The following PLCB1 variants were observed in gnomAD, a reference collection of about 807,000 sequenced individuals.
PLCB1 encodes the protein phospholipase C beta 1.
A neutral mutation model predicts 161.8 loss-of-function variants in PLCB1; 46 were observed. That is an observed-to-expected ratio of 0.28 (90% CI 0.22 to 0.36). PLCB1 has a LOEUF of 0.36. Among genes scored for constraint, PLCB1 ranks in the 10% least tolerant of loss-of-function variants. The pLI is 1.00. For synonymous variants in PLCB1, 517 were observed against 503.7 expected (o/e 1.03, Z -0.35); for missense variants, 1,016 against 1,472.5 (o/e 0.69, Z 5.07).
At chr20:8,601,186 A>C (rs188758360) in intron 3 of PLCB1, among the ~76,000 whole-genome samples, 10 of 152,252 alleles carry the variant, frequency 6.6e-5, no homozygotes, top group East Asian at 3.9e-4. Flanking sequence ...AATAACCTAA[A>C]CATGCCAAAG....
At chr20:8,559,829 G>A (rs879213647) in intron 3 of PLCB1, among the ~76,000 whole-genome samples, 10 of 151,888 alleles carry the variant, frequency 6.6e-5, no homozygotes, top group South Asian at 2.1e-4. Flanking sequence ...AGCCTAGGTC[G>A]GTCTTGTACT....
rs1203124375 is a variant in PLCB1, at chr20:8,677,625, A to G, written c.863-7307A>G. 2.6e-5 allele frequency among the ~76,000 whole-genome samples: 4 copies of G among 152,308 alleles called. No homozygotes were observed. In the East Asian group the frequency reaches 7.8e-4, roughly 30 times the overall value. On this transcript the variant is annotated intron_variant, in intron 9 of 31. Transcript: ENST00000338037. ...AAGTGCTAGAAATTGCCAGAGGGAC[A>G]AAAACCAAAACAAAACAGGCCACAC...
intron 3 of PLCB1, among the ~76,000 whole-genome samples, chr20:8,416,250 T>G (rs940406196): frequency 4.6e-5 from 7 of 152,206 alleles, no homozygotes; most frequent in African/African-American, 1.4e-4. Context: ...TTCTGATCTT[T>G]GTATGCATTT....
At chr20:8,190,925 A>G (rs6055624) in intron 2 of PLCB1, among the ~76,000 whole-genome samples, 40,412 of 151,978 alleles carry the variant, frequency 0.27, 6,346 homozygotes, top group African/African-American at 0.44. Context: ...CAGCCAGTAC[A>G]TAGTAAGCTA....
At chr20:8,139,886 ATTC>A (rs1464007309) in intron 1 of PLCB1, among the ~76,000 whole-genome samples, 2 of 152,190 alleles carry the variant, frequency 1.3e-5, no homozygotes, top group Non-Finnish European at 2.9e-5. Flanking sequence ...TTTGACGAAC[ATTC>A]TTCTTGAAAA....
At chr20:8,451,912 A>C (rs143137646) in intron 3 of PLCB1, among the ~76,000 whole-genome samples, 335 of 133,388 alleles carry the variant, frequency 2.5e-3, no homozygotes, top group African/African-American at 9.1e-3. Flanking sequence ...TTCCTTCTTT[A>C]TTTCACTCAT....
intron 2 of PLCB1, among the ~76,000 whole-genome samples, chr20:8,360,180 C>T (rs965498384): frequency 2.6e-5 from 4 of 152,242 alleles, no homozygotes; most frequent in East Asian, 1.9e-4. Context: ...CAGACATGAA[C>T]TATCAGCTCT....
chr20:8,438,535 C>T (rs78392941), intron 3 of PLCB1, among the ~76,000 whole-genome samples: 23,443 of 152,086 alleles, frequency 0.15, 2,303 homozygotes, highest in African/African-American at 0.28. Context: ...GAAACATATA[C>T]CATCTCTAAC....
At position 8,551,731 on chromosome 20, in the gene PLCB1, G is replaced by T. The variant is rs983297906; in HGVS notation, c.247-76563G>T. On this transcript the variant is annotated intron_variant, in intron 3 of 31. Transcript: ENST00000338037. ...GTCCTGGTTCCCACAGTGGTAGCTT[G>T]CTCAACAGTGCAGCCCTTATTGGCT... Among the ~76,000 whole-genome samples the T allele has an allele frequency of 2.0e-5, 3 of 152,238 alleles. No homozygotes were observed. The South Asian group carries it at 6.2e-4, about 32-fold the overall frequency.
At chr20:8,749,852 T>C (rs778826268) in intron 23 of PLCB1, among the ~76,000 whole-genome samples, 16 of 152,180 alleles carry the variant, frequency 1.1e-4, no homozygotes, top group Non-Finnish European at 2.2e-4. Flanking sequence ...TATTTTAGCA[T>C]AACATTTAGG....
chr20:8,568,854 C>T (rs528872682), intron 3 of PLCB1, among the ~76,000 whole-genome samples: 3 of 152,070 alleles, frequency 2.0e-5, no homozygotes, highest in Non-Finnish European at 4.4e-5. Context: ...AGCACCAGTA[C>T]AGCGGGGAGA....
At chr20:8,698,483 TATTA>T (rs1338183817) in intron 11 of PLCB1, among the ~76,000 whole-genome samples, 2 of 152,222 alleles carry the variant, frequency 1.3e-5, no homozygotes, top group Admixed American at 6.5e-5. Context: ...ATGATGATAG[TATTA>T]ATTATTACTG....
chr20:8,244,093 T>C lies in PLCB1; in HGVS notation c.177+93722T>C, dbSNP rs145858673. ...TACATGTCCACTGGAATGGCAAAAATTGAATGACTGGCAGTACCACATTTG... is the reference window on the plus strand; with the variant it reads ...TACATGTCCACTGGAATGGCAAAAACTGAATGACTGGCAGTACCACATTTG... On this transcript the variant is annotated intron_variant, in intron 2 of 31. Coordinates refer to ENST00000338037, the MANE Select transcript of PLCB1 (RefSeq NM_015192.4). Among the ~76,000 whole-genome samples, 154 of 152,050 alleles carry C rather than the reference T, an allele frequency of 1.0e-3. No homozygotes were observed. In the Middle Eastern group the frequency reaches 0.01, roughly 10 times the overall value.
At chr20:8,386,953 G>A (rs1987441888) in intron 3 of PLCB1, among the ~76,000 whole-genome samples, 1 of 152,188 alleles carries the variant, frequency 6.6e-6, no homozygotes, top group Admixed American at 6.5e-5. Flanking sequence ...GCCTCTCTCA[G>A]TTGTCACAGG....
intron 3 of PLCB1, among the ~76,000 whole-genome samples, chr20:8,499,110 T>C (rs924396508): frequency 5.3e-5 from 8 of 152,246 alleles, no homozygotes; most frequent in Non-Finnish European, 1.2e-4. Context: ...TCTATTCTCA[T>C]GCCAAGATGT....
intron 2 of PLCB1, among the ~76,000 whole-genome samples, chr20:8,193,918 T>G (rs2051996750): frequency 6.6e-6 from 1 of 151,764 alleles, no homozygotes; most frequent in African/African-American, 2.4e-5. Flanking sequence ...CTTTCTGCCT[T>G]GCTTTCTTCT....
chr20:8,561,555 A>G (rs1986141920), intron 3 of PLCB1, among the ~76,000 whole-genome samples: 1 of 151,992 alleles, frequency 6.6e-6, no homozygotes, highest in Non-Finnish European at 1.5e-5. Context: ...GATACATTGC[A>G]TTGAAAGAAC....
At chr20:8,174,735 A>C (rs529237114) in intron 2 of PLCB1, among the ~76,000 whole-genome samples, 2 of 152,128 alleles carry the variant, frequency 1.3e-5, no homozygotes, top group East Asian at 3.9e-4. Context: ...ATACCCATAA[A>C]ATGTAATAAA....
At chr20:8,780,420 C>T (rs538883672) in intron 27 of PLCB1, among the ~76,000 whole-genome samples, 7 of 152,232 alleles carry the variant, frequency 4.6e-5, no homozygotes, top group South Asian at 4.1e-4. Flanking sequence ...TCACAGTTAC[C>T]GTATGTGTTA....
Sources: allele counts gnomAD v4.1 joint callset (sites outside exome capture counted in the v4.1 genomes callset), GRCh38; gene constraint gnomAD v4.1.1; transcripts MANE v1.5; gene names NCBI Gene and HGNC (gene_info 2026-07-23, HGNC 2026-07-21).